UVSSA: variants seen among roughly 807,000 people sequenced by gnomAD.
UVSSA encodes UV-stimulated scaffold protein A.
UVSSA carries 72 observed loss-of-function variants against 73.9 expected under a neutral mutation model. The ratio of observed to expected loss-of-function variants is 0.97; its 90% CI spans 0.81 to 1.19. The LOEUF (loss-of-function observed/expected upper bound fraction) is 1.19. Ranked by LOEUF, UVSSA falls within the 50% of genes most tolerant of loss-of-function variation. The probability of loss-of-function intolerance (pLI) is 0.00; values close to 1 mark genes in which losing one functional copy is unlikely to be tolerated. For missense variants in UVSSA, 1,150 were observed against 965.0 expected, an observed-to-expected ratio of 1.19 and a Z score of -2.54; for synonymous variants, 454 against 391.3, an observed-to-expected ratio of 1.16 and a Z score of -1.89.
chr4:1,349,041 T>C (rs71614968), intron 2 of UVSSA, among the ~76,000 whole-genome samples: 28 of 120,640 alleles, frequency 2.3e-4, no homozygotes, highest in Non-Finnish European at 3.1e-4. Context: ...AGGCGGTGTG[T>C]GTTTGTGCCG....
At chr4:1,345,411 G>A (rs1713588772), upstream of UVSSA, among the ~76,000 whole-genome samples, 1 of 152,068 alleles carries the variant, frequency 6.6e-6, no homozygotes, top group Non-Finnish European at 1.5e-5. Flanking sequence ...TTGGGAGGCC[G>A]AGGCGGGCGG....
chr4:1,375,087 C>T, intron 8 of UVSSA: 1 of 488,644 alleles, frequency 2.0e-6, no homozygotes, highest in East Asian at 3.7e-5. Flanking sequence ...CAGGCTGGCA[C>T]TTCTGCAAAG....
chr4:1,377,047 C>T (rs1245538767), intron 10 of UVSSA, among the ~76,000 whole-genome samples: 1 of 152,242 alleles, frequency 6.6e-6, no homozygotes, highest in Non-Finnish European at 1.5e-5. Flanking sequence ...ACACCGTAAC[C>T]ACTAAAGCCA....
chr4:1,347,335 G>A lies in UVSSA; in HGVS notation c.-428G>A, dbSNP rs1713844956. The A allele has an allele frequency of 2.0e-5, 3 of 151,934 alleles. No individual in the cohort carries two copies. Among genetic ancestry groups the A allele is most frequent in the African/African-American group, 7.2e-5 (3 of 41,406 alleles). 9.4% of individuals were successfully genotyped at this position (151,934 alleles called of 1,614,324 possible). On this transcript the variant is annotated 5_prime_UTR_variant, in exon 1 of 14. Coordinates refer to ENST00000389851, the MANE Select transcript of UVSSA (RefSeq NM_020894.4). ...CCTGCGGCCAGGGCGTGTCCCGTGT[G>A]CCCGAGAGCGCCGGCGGCGGGGCCG...
At chr4:1,353,463 G>C (rs1715129015) in intron 5 of UVSSA, 50 bp downstream of exon 5, 1 of 1,437,854 alleles carries the variant, frequency 7.0e-7, no homozygotes, top group South Asian at 1.5e-5. Context: ...CCGGCTCCCG[G>C]GTAGGCTCCT....
At chr4:1,363,051 C>G (rs1447532471) in intron 7 of UVSSA, among the ~76,000 whole-genome samples, 2 of 152,206 alleles carry the variant, frequency 1.3e-5, no homozygotes, top group African/African-American at 4.8e-5. Context: ...AAAACAGCAG[C>G]TTTCAGCCTT....
upstream of UVSSA, among the ~76,000 whole-genome samples, chr4:1,343,622 A>G (rs1713508387): frequency 6.6e-6 from 1 of 152,126 alleles, no homozygotes; most frequent in Non-Finnish European, 1.5e-5. Flanking sequence ...CCCTGTCTCC[A>G]CTAAAAATAC....
intron 10 of UVSSA, among the ~76,000 whole-genome samples, chr4:1,378,096 T>C (rs796953085): frequency 7.2e-5 from 11 of 152,264 alleles, no homozygotes; most frequent in African/African-American, 2.6e-4. Context: ...TCAGCCACAT[T>C]TAGGGATCTC....
At chr4:1,342,969 CTG>C (rs1395566041), upstream of UVSSA, among the ~76,000 whole-genome samples, 1 of 152,066 alleles carries the variant, frequency 6.6e-6, no homozygotes, top group Non-Finnish European at 1.5e-5. Context: ...GGTCCTAGGT[CTG>C]TTGCATTTCC....
Position 1,386,089 on chromosome 4 carries a change from G to T in UVSSA, c.*128G>T. 1 of 1,014,990 alleles carries T rather than the reference G, an allele frequency of 9.9e-7. No individual in the cohort carries two copies. Among genetic ancestry groups the T allele is most frequent in the African/African-American group, 1.6e-5 (1 of 63,398 alleles). The allele number at this position is 1,014,990 out of a possible 1,614,324, so 62.9% of individuals were successfully genotyped here. The stretch of plus-strand genomic sequence containing the variant: ...TTACTGTGTTTGATGTAAAGAAATG[G>T]TGTGTTGCAATGCCCTGAAGGTACG... On this transcript the variant is annotated 3_prime_UTR_variant, in exon 14 of 14. Coordinates refer to ENST00000389851, the MANE Select transcript of UVSSA (RefSeq NM_020894.4).
At chr4:1,369,376 C>T (rs28406425) in intron 8 of UVSSA, among the ~76,000 whole-genome samples, 3 of 152,152 alleles carry the variant, frequency 2.0e-5, no homozygotes, top group South Asian at 2.1e-4. Context: ...GTGCCGGAGG[C>T]GGGGACCAGG....
chr4:1,343,181 G>C (rs1201534729), upstream of UVSSA, among the ~76,000 whole-genome samples: 3 of 152,106 alleles, frequency 2.0e-5, no homozygotes, highest in Non-Finnish European at 4.4e-5. Context: ...GGAGATGCTG[G>C]CAGGGTTGGC....
upstream of UVSSA, among the ~76,000 whole-genome samples, chr4:1,343,087 G>C (rs953922169): frequency 6.6e-6 from 1 of 152,154 alleles, no homozygotes; most frequent in African/African-American, 2.4e-5. Flanking sequence ...TTTGGGGACG[G>C]TATTAGTTTG....
At chr4:1,346,242 G>A (rs891102212), upstream of UVSSA, among the ~76,000 whole-genome samples, 4 of 152,232 alleles carry the variant, frequency 2.6e-5, no homozygotes, top group African/African-American at 9.6e-5. Context: ...TACCACCACC[G>A]TAATGCAAGG....
At chr4:1,354,897 C>T in intron 6 of UVSSA, 50 bp downstream of exon 6, 1 of 1,501,072 alleles carries the variant, frequency 6.7e-7, no homozygotes, top group Non-Finnish European at 9.1e-7. Context: ...TGCAGAGTGC[C>T]ATGCATGGGG....
intron 10 of UVSSA, among the ~76,000 whole-genome samples, chr4:1,377,316 G>A (rs774313987): frequency 2.0e-5 from 3 of 152,116 alleles, no homozygotes; most frequent in South Asian, 2.1e-4. Context: ...GCTCACACAC[G>A]ACACACGAGA....
intron 10 of UVSSA, among the ~76,000 whole-genome samples, chr4:1,377,789 A>C (rs1359106361): frequency 6.6e-6 from 1 of 152,250 alleles, no homozygotes; most frequent in Non-Finnish European, 1.5e-5. Context: ...CGTCAGCACC[A>C]CGCACCTGGT....
At chr4:1,346,879 C>A (rs1458645782), upstream of UVSSA, among the ~76,000 whole-genome samples, 1 of 152,200 alleles carries the variant, frequency 6.6e-6, no homozygotes, top group Non-Finnish European at 1.5e-5. Flanking sequence ...TCTTTTTTCT[C>A]GTGCGTCCCC....
At chr4:1,379,475 C>T (rs530393599) in intron 10 of UVSSA, among the ~76,000 whole-genome samples, 65 of 144,438 alleles carry the variant, frequency 4.5e-4, no homozygotes, top group Middle Eastern at 3.8e-3. Context: ...TGGGAGCGGA[C>T]GCACCTGGGA....
Sources: allele counts gnomAD v4.1 joint callset (sites outside exome capture counted in the v4.1 genomes callset), GRCh38; gene constraint gnomAD v4.1.1; transcripts MANE v1.5; gene names NCBI Gene and HGNC (gene_info 2026-07-23, HGNC 2026-07-21).